The following ANKRD28 variants were observed in gnomAD, a reference collection of about 807,000 sequenced individuals.
The protein encoded by ANKRD28 is serine/threonine-protein phosphatase 6 regulatory ankyrin repeat subunit A.
Under a neutral mutation model 126.5 loss-of-function variants are expected in ANKRD28, and 44 were observed. The observed-to-expected ratio is 0.35, with a 90% CI of 0.27 to 0.45. The LOEUF (loss-of-function observed/expected upper bound fraction) is 0.45, where lower values mean the gene tolerates loss of function less well. Among genes scored for constraint, ANKRD28 ranks in the 20% least tolerant of loss-of-function variants. The pLI is 1.00. For synonymous variants in ANKRD28, 442 were observed against 468.5 expected, an observed-to-expected ratio of 0.94 and a Z score of 0.73; for missense variants, 1,110 against 1,316.6, an observed-to-expected ratio of 0.84 and a Z score of 2.43.
At chr3:15,748,610 C>G (rs1295577773) in intron 4 of ANKRD28, among the ~76,000 whole-genome samples, 1 of 152,176 alleles carries the variant, frequency 6.6e-6, no homozygotes, top group Non-Finnish European at 1.5e-5. Flanking sequence ...GCTTTTGCCT[C>G]ACAGCTCTGA....
chr3:15,857,009 T>C (rs13095037), intron 1 of ANKRD28, among the ~76,000 whole-genome samples: 110,053 of 152,156 alleles, frequency 0.72, 40,024 homozygotes, highest in East Asian at 0.93. Context: ...CGTATCTTCT[T>C]CATTACTCCA....
At chr3:15,783,718 T>C (rs2059641332) in intron 2 of ANKRD28, among the ~76,000 whole-genome samples, 1 of 151,996 alleles carries the variant, frequency 6.6e-6, no homozygotes, top group South Asian at 2.1e-4. Context: ...TGCCACAACC[T>C]AGATGAATCT....
intron 6 of ANKRD28, among the ~76,000 whole-genome samples, chr3:15,725,578 A>AT (rs57166598): frequency 0.13 from 20,261 of 151,942 alleles, 2,056 homozygotes; most frequent in East Asian, 0.56. Context: ...TATTGGCATC[A>AT]TTTTTTCCAT....
chr3:15,754,002 A>G (rs2058022824), intron 3 of ANKRD28, among the ~76,000 whole-genome samples: 1 of 152,192 alleles, frequency 6.6e-6, no homozygotes, highest in Non-Finnish European at 1.5e-5. Context: ...TAAAGATCTG[A>G]AAACAAAAAG....
intron 4 of ANKRD28, among the ~76,000 whole-genome samples, chr3:15,746,664 C>T (rs1233252558): frequency 6.6e-6 from 1 of 152,064 alleles, no homozygotes; most frequent in Non-Finnish European, 1.5e-5. Flanking sequence ...GGATATTGGT[C>T]TGTGGTTTTG....
In ANKRD28 at chr3:15,707,942, G is replaced by A; in HGVS notation, c.1529C>T (p.Thr510Ile). 1 of 1,613,266 alleles carries A rather than the reference G, an allele frequency of 6.2e-7. No homozygotes were observed. The highest frequency in any genetic ancestry group is 8.5e-7 in the Non-Finnish European group (1 of 1,179,502). ...RGCTPLHYAA[T>I]SDTDGKCLEY... ...TACTTACTTGCCATCTGTGTCTGAT[G>A]TAGCTGCATAGTGCAGGGGTGTGCA... The change falls in exon 14 of 28, where the codon ACA becomes ATA. Residue 510 changes from threonine (T) to isoleucine (I), a missense_variant. Transcript: ENST00000683139.
chr3:15,781,218 C>T (rs1007100764), intron 2 of ANKRD28, among the ~76,000 whole-genome samples: 2 of 151,934 alleles, frequency 1.3e-5, no homozygotes, highest in East Asian at 1.9e-4. Flanking sequence ...AGGCAAAGGA[C>T]CTGTCATGAC....
chr3:15,731,848 C>CAA (rs397934004), intron 6 of ANKRD28: 183 of 4,492 alleles, frequency 0.041, 32 homozygotes, highest in African/African-American at 0.058. Context: ...GAAACTGTCT[C>CAA]AAAAAAAAAA....
chr3:15,671,738 C>T (rs978290985), intron 27 of ANKRD28, among the ~76,000 whole-genome samples: 7 of 151,906 alleles, frequency 4.6e-5, no homozygotes, highest in Non-Finnish European at 1.0e-4. Flanking sequence ...TGTGTGCCAC[C>T]ATGACCAGCT....
chr3:15,811,569 C>T (rs1344270761), intron 1 of ANKRD28, among the ~76,000 whole-genome samples: 1 of 152,062 alleles, frequency 6.6e-6, no homozygotes, highest in African/African-American at 2.4e-5. Context: ...ATTCTCCTGC[C>T]TCAGCCTCCA....
At chr3:15,772,793 T>G (rs1197671593) in intron 2 of ANKRD28, among the ~76,000 whole-genome samples, 1 of 152,168 alleles carries the variant, frequency 6.6e-6, no homozygotes, top group East Asian at 1.9e-4. Context: ...TTCAAGCGAT[T>G]CTCCTGCCTC....
chr3:15,734,142 T>C (rs78342716), intron 6 of ANKRD28, among the ~76,000 whole-genome samples: 1,835 of 152,322 alleles, frequency 0.012, 40 homozygotes, highest in African/African-American at 0.041. Context: ...TTTTTGTACA[T>C]AGGGGTTCCC....
At chr3:15,714,736 G>T in intron 8 of ANKRD28, 80 bp from the exon 9 acceptor site, 1 of 910,992 alleles carries the variant, frequency 1.1e-6, no homozygotes, top group Non-Finnish European at 1.6e-6. Context: ...ATACCCTCTT[G>T]CATCTTTATT....
chr3:15,757,637 T>C (rs1448127541), intron 3 of ANKRD28, among the ~76,000 whole-genome samples: 1 of 152,070 alleles, frequency 6.6e-6, no homozygotes, highest in Non-Finnish European at 1.5e-5. Context: ...CTTTCCACCA[T>C]ATGAGGTTAT....
intron 2 of ANKRD28, among the ~76,000 whole-genome samples, 161 bp downstream of exon 2, chr3:15,795,062 T>C (rs563573627): frequency 2.6e-5 from 4 of 152,172 alleles, no homozygotes; most frequent in African/African-American, 7.2e-5. Context: ...CTGCCCTGAG[T>C]ATATGTCCAG....
At position 15,767,748 on chromosome 3, in the gene ANKRD28, C is replaced by T. The variant is rs1198452006; in HGVS notation, c.202-1436G>A. ...AAAAAAAAAAAAAAAAAAAGCCGCA[C>T]GTGGTGGCGGGTGCCTGTAGTCCTG... On this transcript the variant is annotated intron_variant, in intron 2 of 27. Transcript: ENST00000683139. 9.1e-5 allele frequency among the ~76,000 whole-genome samples: 11 copies of T among 121,184 alleles called. 1 individual carries two copies. Among genetic ancestry groups the T allele is most frequent in the Admixed American group, 5.5e-4 (6 of 10,912 alleles). The allele number at this position is 121,184 out of a possible 152,430, so 79.5% of individuals were successfully genotyped here. A position where few individuals can be genotyped will look rare whatever the true frequency, so the allele number is the denominator to read the frequency against.
rs1490565587 is a variant in ANKRD28, at chr3:15,838,243, A to G, written c.27+21134T>C. ...AAACTCATCTAGATACTTCAATAGAAAACACTTTCTAATTCCCTCCATGAG... is the reference window on the plus strand; with the variant it reads ...AAACTCATCTAGATACTTCAATAGAGAACACTTTCTAATTCCCTCCATGAG... On this transcript the variant is annotated intron_variant, in intron 1 of 27. Coordinates refer to the ANKRD28 transcript ENST00000399451. The surrounding 1 kb of genome is among the most constrained non-coding windows in gnomAD (Gnocchi z 4.0). 2.0e-5 allele frequency among the ~76,000 whole-genome samples: 3 copies of G among 152,222 alleles called. No individual in the cohort carries two copies. Among genetic ancestry groups the G allele is most frequent in the Admixed American group, 6.5e-5 (1 of 15,274 alleles).
chr3:15,781,201 T>C (rs2059524482), intron 2 of ANKRD28, among the ~76,000 whole-genome samples: 1 of 152,016 alleles, frequency 6.6e-6, no homozygotes, highest in Non-Finnish European at 1.5e-5. Context: ...AACAACCTGA[T>C]TAAAAGAGGC....
chr3:15,850,220 T>TAG (rs1274116099), intron 1 of ANKRD28, among the ~76,000 whole-genome samples: 9 of 49,352 alleles, frequency 1.8e-4, no homozygotes, highest in Non-Finnish European at 3.6e-4. Context: ...TATATATATA[T>TAG]ATATAGAGAG....
Sources: gnomAD v4.1 joint callset for allele counts (sites outside exome capture counted in the v4.1 genomes callset) on GRCh38, gnomAD v4.1.1 for gene constraint, Gnocchi (gnomAD v3.1) non-coding constraint, MANE v1.5 for transcripts, NCBI Gene and HGNC (gene_info 2026-07-23, HGNC 2026-07-21) for gene names.